The following TRIO variants were observed in gnomAD, a reference collection of about 807,000 sequenced individuals.
TRIO encodes the protein trio Rho guanine nucleotide exchange factor.
Under a neutral mutation model 351.9 loss-of-function variants are expected in TRIO, and 58 were observed. That is an observed-to-expected ratio of 0.16 (90% CI 0.13 to 0.21). TRIO has a LOEUF of 0.21. Ranked by LOEUF, TRIO falls within the 10% of genes least tolerant of loss-of-function variation. The probability of loss-of-function intolerance (pLI) is 1.00; values close to 1 mark genes in which losing one functional copy is unlikely to be tolerated. For synonymous variants in TRIO, 1,758 were observed against 1,595.7 expected, an observed-to-expected ratio of 1.10 and a Z score of -2.42; for missense variants, 3,201 against 4,027.8, an observed-to-expected ratio of 0.79 and a Z score of 5.56.
intron 1 of TRIO, among the ~76,000 whole-genome samples, chr5:14,163,063 A>G (rs562452832): frequency 1.3e-5 from 2 of 152,296 alleles, no homozygotes; most frequent in African/African-American, 4.8e-5. Flanking sequence ...TTTGTTACAT[A>G]GGTATACACA....
intron 1 of TRIO, among the ~76,000 whole-genome samples, chr5:14,203,176 C>T (rs1482266371): frequency 6.6e-6 from 1 of 152,144 alleles, no homozygotes; most frequent in African/African-American, 2.4e-5. Context: ...AAACTGTAAT[C>T]TGTTCTTAAA....
At chr5:14,202,609 G>A (rs1334087392) in intron 1 of TRIO, among the ~76,000 whole-genome samples, 25 of 150,608 alleles carry the variant, frequency 1.7e-4, no homozygotes, top group Admixed American at 1.7e-3. Flanking sequence ...GAATCTTCAG[G>A]GTGGTTTACC....
Position 14,465,626 on chromosome 5 carries a change from G to C in TRIO, c.5749G>C (p.Val1917Leu), listed in dbSNP as rs1174403108. 6.2e-7 allele frequency: 1 copy of C among 1,613,968 alleles called. No homozygotes were observed. The highest frequency in any genetic ancestry group is 2.2e-5 in the East Asian group (1 of 44,892). The part of the protein sequence containing the change: ...AELVSAIEEL[V>L]KSKMALEDRP... ...GCTCGTCAGTGCAATTGAGGAACTC[G>C]TGAAAAGCAAGATGGTGAGGCCTCC... Residue 1917 changes from valine (V) to leucine (L), a missense_variant, in exon 37 of 57, where the codon GTG (valine) becomes CTG (leucine). Around this residue, in one of 19 missense-constraint regions of TRIO, gnomAD observed 307 missense variants for 396.5 expected, o/e 0.77. Transcript: ENST00000344204.
At chr5:14,394,178 T>A in intron 28 of TRIO, 48 bp downstream of exon 28, 1 of 1,190,500 alleles carries the variant, frequency 8.4e-7, no homozygotes, top group Non-Finnish European at 1.2e-6. Context: ...AATTATGTAT[T>A]ATTTTGACAT....
chr5:14,206,517 C>T (rs1371961761), intron 1 of TRIO, among the ~76,000 whole-genome samples: 3 of 152,228 alleles, frequency 2.0e-5, no homozygotes, highest in East Asian at 1.9e-4. Flanking sequence ...GAAAGTTTAA[C>T]TCAACCTCTT....
At chr5:14,379,465 G>C (rs1405561940) in intron 20 of TRIO, among the ~76,000 whole-genome samples, 1 of 152,186 alleles carries the variant, frequency 6.6e-6, no homozygotes, top group Non-Finnish European at 1.5e-5. Flanking sequence ...CCAGGGATCT[G>C]GCGCCCCACC....
chr5:14,146,814 C>T (rs1489142484), intron 1 of TRIO, among the ~76,000 whole-genome samples: 2 of 152,182 alleles, frequency 1.3e-5, no homozygotes, highest in African/African-American at 4.8e-5. Context: ...GTTCAGGGCT[C>T]CAGAGCCCTG....
intron 21 of TRIO, among the ~76,000 whole-genome samples, chr5:14,384,009 C>G (rs542794330): frequency 1.3e-5 from 2 of 152,180 alleles, no homozygotes; most frequent in Non-Finnish European, 2.9e-5. Flanking sequence ...CGCTGAGACT[C>G]GGCTCGGTCC....
rs562805816 is a variant in TRIO at position 14,464,948 on chromosome 5, C to T, written c.5668-597C>T. 2.6e-5 allele frequency among the ~76,000 whole-genome samples: 4 copies of T among 152,290 alleles called. No homozygotes were observed. The East Asian group carries it at 5.8e-4, about 22-fold the overall frequency. On this transcript the variant is annotated intron_variant, in intron 36 of 56. Transcript: ENST00000344204. ...AGTGGCATCTGATAGCTTGTGAGGC[C>T]TCAGCTCTTCTGTACTCTGCACTAA...
chr5:14,341,286 T>C (rs1741922090), intron 11 of TRIO, among the ~76,000 whole-genome samples: 1 of 152,250 alleles, frequency 6.6e-6, no homozygotes, highest in Non-Finnish European at 1.5e-5. Context: ...ATTCACTCTT[T>C]TCACTCATTC....
intron 12 of TRIO, among the ~76,000 whole-genome samples, chr5:14,358,858 G>A (rs549713681): frequency 6.6e-6 from 1 of 152,096 alleles, no homozygotes; most frequent in Non-Finnish European, 1.5e-5. Flanking sequence ...TGGGTCAGGG[G>A]GACCATTTAA....
At chr5:14,449,766 TTTA>T (rs2126418337) in intron 34 of TRIO, among the ~76,000 whole-genome samples, 1 of 152,330 alleles carries the variant, frequency 6.6e-6, no homozygotes, top group African/African-American at 2.4e-5. Flanking sequence ...TCTTTCTTCA[TTTA>T]TTTTATTTCT....
Position 14,291,075 on chromosome 5 carries a change from C to A in TRIO, c.900C>A (p.Gly300=). 1 of 1,614,210 alleles carries A rather than the reference C, an allele frequency of 6.2e-7. No individual in the cohort carries two copies. Among genetic ancestry groups the A allele is most frequent in the Non-Finnish European group, 8.5e-7 (1 of 1,180,038 alleles). The change falls in exon 5 of 57, where the codon GGC becomes GGA. Residue 300 remains glycine (G), a synonymous_variant. Coordinates refer to ENST00000344204, the MANE Select transcript of TRIO (RefSeq NM_007118.4). ...ESFPKKNSGS[G]NADLQNLLPK... ...TTCCCAAAAAGAACTCAGGCTCAGG[C>A]AATGCGGACCTGCAGAACCTCTTGC...
chr5:14,437,039 C>T (rs1180841238), intron 34 of TRIO, among the ~76,000 whole-genome samples: 1 of 152,202 alleles, frequency 6.6e-6, no homozygotes, highest in Non-Finnish European at 1.5e-5. Context: ...TGTCTGCAAT[C>T]TATCAACAAA....
Position 14,504,408 on chromosome 5 carries a change from C to T in TRIO, c.8427C>T (p.Val2809=), listed in dbSNP as rs779722932. Residue 2809 remains valine (V), a synonymous_variant, in exon 55 of 57, where the codon GTC becomes GTT. Transcript: ENST00000344204. ...TATTTTACAGGGGCAGATTCTCTGT[C>T]GTTAAGAAATGTGATCAGAAAGGAA... ...VAELGRGRFS[V]VKKCDQKGTK... is the part of the protein sequence containing the mutation. The T allele has an allele frequency of 8.1e-6, 13 of 1,614,094 alleles. No individual in the cohort carries two copies. In the South Asian group the frequency reaches 1.1e-4, roughly 14 times the overall value.
chr5:14,293,759 C>T (rs1490062650), intron 6 of TRIO, among the ~76,000 whole-genome samples: 1 of 152,198 alleles, frequency 6.6e-6, no homozygotes, highest in Non-Finnish European at 1.5e-5. Context: ...CAAACCAAAA[C>T]ACTGAATTTT....
In TRIO at chr5:14,336,627, C is replaced by A. The variant is rs756104781; in HGVS notation, c.1946C>A (p.Ala649Asp). Residue 649 changes from alanine (A) to aspartate (D), a missense_variant, in exon 11 of 57, where the codon GCC becomes GAC. Coordinates refer to ENST00000344204, the MANE Select transcript of TRIO (RefSeq NM_007118.4). Reference sequence around the variant, plus strand: ...GACCCCGAAGAGATTTATCAGGCTGCCCATCAGCTGGAAGACCGGATTCAA... The same window carrying A: ...GACCCCGAAGAGATTTATCAGGCTGACCATCAGCTGGAAGACCGGATTCAA... ...ECDPEEIYQA[A>D]HQLEDRIQDF... 1 of 1,614,050 alleles carries A rather than the reference C, an allele frequency of 6.2e-7. No homozygotes were observed. The highest frequency in any genetic ancestry group is 8.5e-7 in the Non-Finnish European group (1 of 1,180,050).
intron 1 of TRIO, among the ~76,000 whole-genome samples, chr5:14,221,882 C>T (rs576377901): frequency 4.2e-4 from 64 of 152,224 alleles, no homozygotes; most frequent in Non-Finnish European, 7.5e-4. Context: ...AAGCTTGACT[C>T]TAATTTCGAA....
chr5:14,471,624 A>C (rs867909326), intron 38 of TRIO, among the ~76,000 whole-genome samples, 158 bp downstream of exon 38: 1 of 152,212 alleles, frequency 6.6e-6, no homozygotes, highest in Admixed American at 6.5e-5. Context: ...CTCAGGACCT[A>C]ATAAGGGCAC....
Sources: gnomAD v4.1 joint callset for allele counts (sites outside exome capture counted in the v4.1 genomes callset) on GRCh38, gnomAD v4.1.1 for gene constraint, gnomAD v4.1.1 regional missense constraint, MANE v1.5 for transcripts, NCBI Gene and HGNC (gene_info 2026-07-23, HGNC 2026-07-21) for gene names.